Variants in ELK3 observed in about 807,000 individuals in gnomAD.
ELK3 encodes ETS domain-containing protein Elk-3.
In ELK3, 10 loss-of-function variants were observed where a neutral mutation model predicts 28.9. That is an observed-to-expected ratio of 0.35 (90% CI 0.21 to 0.59). ELK3 has a LOEUF of 0.59. ELK3 is among the 20% of genes least tolerant of loss of function. The probability of loss-of-function intolerance (pLI) is 0.82; values close to 1 mark genes in which losing one functional copy is unlikely to be tolerated. For synonymous variants in ELK3, 272 were observed against 243.5 expected, an observed-to-expected ratio of 1.12 and a Z score of -1.09; for missense variants, 463 against 517.3, an observed-to-expected ratio of 0.90 and a Z score of 1.02.
chr12:96,259,635 C>T, intron 3 of ELK3, 96 bp from the exon 4 acceptor site: 2 of 1,387,962 alleles, frequency 1.4e-6, no homozygotes, highest in East Asian at 2.5e-5. Flanking sequence ...TTTCCTGGCC[C>T]ATGCCTAGCC....
At chr12:96,226,469 C>T (rs1403826143) in intron 2 of ELK3, among the ~76,000 whole-genome samples, 1 of 151,856 alleles carries the variant, frequency 6.6e-6, no homozygotes, top group Non-Finnish European at 1.5e-5. Context: ...TACACATACA[C>T]ACCTGTCCAC....
chr12:96,211,880 T>C (rs934347881), intron 1 of ELK3, among the ~76,000 whole-genome samples: 1 of 152,216 alleles, frequency 6.6e-6, no homozygotes, highest in African/African-American at 2.4e-5. Context: ...TAATTTTCAT[T>C]GTGGATTTAT....
chr12:96,210,514 T>A (rs1367870328), intron 1 of ELK3, among the ~76,000 whole-genome samples: 1 of 151,692 alleles, frequency 6.6e-6, no homozygotes. Context: ...CTAGCTCACT[T>A]CTGTTTCCTC....
Position 96,267,072 on chromosome 12 carries a change from T to C in ELK3, c.1126-10T>C. On this transcript the variant is annotated splice_polypyrimidine_tract_variant and intron_variant, in intron 4 of 4. Coordinates refer to ENST00000228741, the MANE Select transcript of ELK3 (RefSeq NM_005230.4). ...CAATAATTATTGTAAAAATCTTTTG[T>C]CCCCTACAGTTCCCCACACTGCTTA... The C allele has an allele frequency of 6.2e-7, 1 of 1,603,216 alleles. No individual in the cohort carries two copies. The highest frequency in any genetic ancestry group is 1.1e-5 in the South Asian group (1 of 88,832).
At chr12:96,255,151 C>A (rs982401588) in intron 3 of ELK3, among the ~76,000 whole-genome samples, 1 of 151,944 alleles carries the variant, frequency 6.6e-6, no homozygotes, top group African/African-American at 2.4e-5. Context: ...GTGCCGTCAG[C>A]AGGAGTTGGT....
chr12:96,241,741 C>G (rs910678504), intron 2 of ELK3, among the ~76,000 whole-genome samples: 1 of 152,226 alleles, frequency 6.6e-6, no homozygotes, highest in Non-Finnish European at 1.5e-5. Context: ...ACGACTTGCC[C>G]TTTAGGCTAC....
At chr12:96,224,656 G>C (rs990406964) in intron 2 of ELK3, among the ~76,000 whole-genome samples, 2 of 152,234 alleles carry the variant, frequency 1.3e-5, no homozygotes, top group Admixed American at 6.5e-5. Flanking sequence ...CAGTTTTAAT[G>C]TGCTTGCTAG....
At chr12:96,266,268 T>C (rs1196438996) in intron 4 of ELK3, among the ~76,000 whole-genome samples, 1 of 152,238 alleles carries the variant, frequency 6.6e-6, no homozygotes, top group Admixed American at 6.5e-5. Context: ...AAGTTTAACT[T>C]TCCTGGACTA....
chr12:96,197,003 T>C (rs188428090), intron 1 of ELK3, among the ~76,000 whole-genome samples: 1 of 152,194 alleles, frequency 6.6e-6, no homozygotes, highest in East Asian at 1.9e-4. Flanking sequence ...AGGTGCTCAA[T>C]AAATTGTAGC....
At chr12:96,238,116 A>G (rs759727398) in intron 2 of ELK3, among the ~76,000 whole-genome samples, 18 of 152,230 alleles carry the variant, frequency 1.2e-4, no homozygotes, top group Non-Finnish European at 2.2e-4. Flanking sequence ...CTGTAAAGTA[A>G]GGTGCCCACC....
chr12:96,223,463 G>A (rs1280468701), intron 1 of ELK3, 102 bp from the exon 2 acceptor site: 1 of 1,079,780 alleles, frequency 9.3e-7, no homozygotes, highest in African/African-American at 1.6e-5. Context: ...ACTGGGGGAA[G>A]GAGGGGACAG....
intron 1 of ELK3, among the ~76,000 whole-genome samples, chr12:96,208,146 G>T (rs571880409): frequency 6.6e-6 from 1 of 152,256 alleles, no homozygotes; most frequent in Admixed American, 6.5e-5. Flanking sequence ...CCGCCTCCCA[G>T]CTCCTAGCGA....
At chr12:96,249,156 C>T (rs757191548) in intron 3 of ELK3, among the ~76,000 whole-genome samples, 1 of 152,182 alleles carries the variant, frequency 6.6e-6, no homozygotes. Context: ...GGTCCCACAG[C>T]CAATAGGTGG....
At chr12:96,215,450 C>G (rs1027839420) in intron 1 of ELK3, among the ~76,000 whole-genome samples, 5 of 152,084 alleles carry the variant, frequency 3.3e-5, no homozygotes, top group African/African-American at 1.2e-4. Flanking sequence ...GCTGGGACAC[C>G]TGAAGCTGGG....
At chr12:96,240,800 C>A (rs1051109684) in intron 2 of ELK3, among the ~76,000 whole-genome samples, 1 of 152,170 alleles carries the variant, frequency 6.6e-6, no homozygotes, top group Non-Finnish European at 1.5e-5. Context: ...ACCAGAATGA[C>A]GAGGAACTCG....
intron 4 of ELK3, among the ~76,000 whole-genome samples, chr12:96,261,718 G>A (rs980114507): frequency 2.6e-5 from 4 of 152,160 alleles, no homozygotes; most frequent in African/African-American, 9.7e-5. Flanking sequence ...GGAAAGCAAT[G>A]GAGCACTATT....
intron 2 of ELK3, among the ~76,000 whole-genome samples, chr12:96,232,749 AAAAC>A (rs1039527482): frequency 5.7e-5 from 1 of 17,600 alleles, no homozygotes; most frequent in Non-Finnish European, 9.0e-5. Flanking sequence ...TGTTTCTACA[AAAAC>A]AAACAAAAAA....
chr12:96,214,158 C>T (rs982783878), intron 1 of ELK3, among the ~76,000 whole-genome samples: 8 of 151,954 alleles, frequency 5.3e-5, no homozygotes, highest in African/African-American at 1.7e-4. Flanking sequence ...GGGCCAGACA[C>T]GGTGGCTCAC....
At chr12:96,251,430 C>A (rs1319342005) in intron 3 of ELK3, among the ~76,000 whole-genome samples, 1 of 152,074 alleles carries the variant, frequency 6.6e-6, no homozygotes, top group African/African-American at 2.4e-5. Context: ...CCTATAGTGG[C>A]CTATAAAGTG....
Sources: allele counts gnomAD v4.1 joint callset (sites outside exome capture counted in the v4.1 genomes callset), GRCh38; gene constraint gnomAD v4.1.1; transcripts MANE v1.5; gene names NCBI Gene and HGNC (gene_info 2026-07-23, HGNC 2026-07-21).